ZNF385A: variants seen among roughly 807,000 people sequenced by gnomAD.
ZNF385A encodes the protein hematopoietic zinc finger protein.
Under a neutral mutation model 32.1 loss-of-function variants are expected in ZNF385A, and 14 were observed. The observed-to-expected ratio is 0.44, with a 90% CI of 0.29 to 0.68. The LOEUF (loss-of-function observed/expected upper bound fraction) is 0.68, where lower values mean the gene tolerates loss of function less well. ZNF385A is among the 30% of genes least tolerant of loss of function. ZNF385A has a pLI of 0.14. For synonymous variants in ZNF385A, 197 were observed against 202.7 expected (o/e 0.97, Z 0.24); for missense variants, 406 against 478.4 (o/e 0.85, Z 1.41).
At chr12:54,372,212 G>A (rs1206792255) in intron 3 of ZNF385A, among the ~76,000 whole-genome samples, 1 of 152,206 alleles carries the variant, frequency 6.6e-6, no homozygotes, top group Non-Finnish European at 1.5e-5. Context: ...ACCGGAGAGG[G>A]AAGAAACAGG....
At chr12:54,384,796 C>T, upstream of ZNF385A, 5 of 1,233,004 alleles carry the variant, frequency 4.1e-6, no homozygotes, top group Non-Finnish European at 3.0e-6. Context: ...TTCACTTCCC[C>T]CTTTTCCAGC....
intron 1 of ZNF385A, among the ~76,000 whole-genome samples, chr12:54,378,356 T>C (rs951788525): frequency 6.6e-6 from 1 of 152,136 alleles, no homozygotes; most frequent in Non-Finnish European, 1.5e-5. Context: ...GCTTCTTCCC[T>C]GGGATGCTGG....
chr12:54,387,335 A>G (rs1186128888), upstream of ZNF385A, among the ~76,000 whole-genome samples: 4 of 152,096 alleles, frequency 2.6e-5, no homozygotes, highest in Non-Finnish European at 5.9e-5. Flanking sequence ...CAGTGAGGGA[A>G]GGAAGCAGGC....
Position 54,384,690 on chromosome 12 carries a change from G to A in ZNF385A, c.-176C>T. The A allele has an allele frequency of 7.3e-7, 1 of 1,378,394 alleles. No individual in the cohort carries two copies. Among genetic ancestry groups the A allele is most frequent in the Non-Finnish European group, 9.3e-7 (1 of 1,070,706 alleles). The allele number at this position is 1,378,394 out of a possible 1,614,324, so 85.4% of individuals were successfully genotyped here. On this transcript the variant is annotated 5_prime_UTR_variant, in exon 1 of 7. Transcript: ENST00000394313. Reference sequence around the variant, plus strand: ...AGAAGTGTCACCCTCAGTGCACATAGTGTACACACTTCCCCTGCTGGCTCC... The same window carrying A: ...AGAAGTGTCACCCTCAGTGCACATAATGTACACACTTCCCCTGCTGGCTCC...
At chr12:54,389,102 A>T (rs1306634375), upstream of ZNF385A, among the ~76,000 whole-genome samples, 1 of 152,172 alleles carries the variant, frequency 6.6e-6, no homozygotes, top group Non-Finnish European at 1.5e-5. Context: ...TCAATGTGCC[A>T]CTACCCTTAC....
intron 1 of ZNF385A, among the ~76,000 whole-genome samples, chr12:54,377,131 G>A (rs970836040): frequency 2.6e-5 from 4 of 152,214 alleles, no homozygotes; most frequent in Non-Finnish European, 4.4e-5. Context: ...GTAAGAGTCT[G>A]GAAAGCCCTG....
At chr12:54,385,594 C>G, upstream of ZNF385A, 2 of 977,764 alleles carry the variant, frequency 2.0e-6, no homozygotes, top group Non-Finnish European at 2.4e-6. Flanking sequence ...GTGCTTGGCC[C>G]GTCCTCCCTT....
At chr12:54,373,123 TTC>T (rs974711101) in intron 3 of ZNF385A, 1 of 85,920 alleles carries the variant, frequency 1.2e-5, no homozygotes, top group East Asian at 4.6e-4. Context: ...CCTGAGGGGG[TTC>T]TGTGTGTGTG....
intron 3 of ZNF385A, 123 bp downstream of exon 3, chr12:54,373,850 G>A (rs2137187538): frequency 9.2e-7 from 1 of 1,082,040 alleles, no homozygotes; most frequent in Non-Finnish European, 1.2e-6. Context: ...ACTCACCTTG[G>A]GTGGGGGTGG....
exon 1 of ZNF385A, chr12:54,391,259 C>T (rs1955634332): frequency 2.9e-6 from 4 of 1,373,858 alleles, no homozygotes; most frequent in East Asian, 3.1e-5. Flanking sequence ...GGGACCCAGG[C>T]GCCCGGGGTT....
In ZNF385A at chr12:54,370,422, A is replaced by G. The variant is rs1195674940; in HGVS notation, c.935T>C (p.Leu312Pro). 1 of 1,547,624 alleles carries G rather than the reference A, an allele frequency of 6.5e-7. No homozygotes were observed. The highest frequency in any genetic ancestry group is 8.7e-7 in the Non-Finnish European group (1 of 1,144,834). The change falls in exon 7 of 7, where the codon CTG becomes CCG. Residue 312 changes from leucine (L) to proline (P), a missense_variant. Leu to Pro is a moderately conservative substitution (Grantham distance 98, BLOSUM62 -3). Transcript: ENST00000394313. The surrounding 1 kb of genome is among the most constrained non-coding windows in gnomAD (Gnocchi z 5.5). ...CGCTGCCATCACTGCAGCCACCGCC[A>G]GGGGGCTGGGGAGCAGGCCGCCCGC... ...SLAGGLLPSP[L>P]AVAAVMAAAA...
At chr12:54,389,632 C>T (rs907456575), upstream of ZNF385A, among the ~76,000 whole-genome samples, 5 of 152,188 alleles carry the variant, frequency 3.3e-5, no homozygotes, top group Admixed American at 1.3e-4. Context: ...AGGGAAAGCA[C>T]GGCTTATGCC....
At chr12:54,391,195 A>C (rs548138220) in intron 1 of ZNF385A, 1 of 1,473,742 alleles carries the variant, frequency 6.8e-7, no homozygotes, top group South Asian at 1.3e-5. Context: ...ACAGAGAGGA[A>C]CCCAGGAGCC....
chr12:54,371,979 A>G (rs1322620783), intron 3 of ZNF385A, among the ~76,000 whole-genome samples: 1 of 152,192 alleles, frequency 6.6e-6, no homozygotes, highest in African/African-American at 2.4e-5. Context: ...CTTCAGGGTG[A>G]AGCTGGCAGC....
chr12:54,383,453 C>T lies in ZNF385A; in HGVS notation c.87+975G>A, dbSNP rs1249178. On this transcript the variant is annotated intron_variant, in intron 1 of 6. Transcript: ENST00000394313. ...CTCATACTGCCACTGCCACCAGCCC[C>T]GTCTGGCTTTTGAGGCTTCCCTCGG... Among the ~76,000 whole-genome samples the T allele has an allele frequency of 7.9e-5, 12 of 152,298 alleles. No individual in the cohort carries two copies. The East Asian group carries it at 1.9e-3, about 25-fold the overall frequency.
chr12:54,371,361 G>A, intron 4 of ZNF385A, 112 bp downstream of exon 4: 1 of 1,407,870 alleles, frequency 7.1e-7, no homozygotes, highest in Non-Finnish European at 9.6e-7. Flanking sequence ...CAGGCAGATA[G>A]GCTGATAGGT....
In ZNF385A at chr12:54,391,118, G is replaced by A. The variant is rs181150313; in HGVS notation, c.10+117C>T. 49 of 1,092,162 alleles carry A rather than the reference G, an allele frequency of 4.5e-5. No individual in the cohort carries two copies. In the African/African-American group the frequency reaches 7.0e-4, roughly 16 times the overall value. 67.7% of individuals were successfully genotyped at this position (1,092,162 alleles called of 1,614,324 possible). A position where few individuals can be genotyped will look rare whatever the true frequency, so the allele number is the denominator to read the frequency against. On this transcript the variant is annotated intron_variant, in intron 1 of 7. Coordinates refer to the ZNF385A transcript ENST00000338010. ...GCCAGATGAAGGGGGAGGGGGAACCGGTCGCTGACGGGCGGCCGCAGTCAC... is the reference window on the plus strand; with the variant it reads ...GCCAGATGAAGGGGGAGGGGGAACCAGTCGCTGACGGGCGGCCGCAGTCAC...
At position 54,370,523 on chromosome 12, in the gene ZNF385A, C is replaced by T; in HGVS notation, c.871-37G>A. The T allele has an allele frequency of 1.3e-6, 2 of 1,550,596 alleles. No individual in the cohort carries two copies. Among genetic ancestry groups the T allele is most frequent in the Non-Finnish European group, 1.7e-6 (2 of 1,146,550 alleles). Reference sequence around the variant, plus strand: ...GAAAGGCGGAGGAAGAGAAGTCACCCGGCGGTCCTGCAAACCCCACCTCTC... The same window carrying T: ...GAAAGGCGGAGGAAGAGAAGTCACCTGGCGGTCCTGCAAACCCCACCTCTC... On this transcript the variant is annotated intron_variant, in intron 6 of 6. Coordinates refer to ENST00000394313, the MANE Select transcript of ZNF385A (RefSeq NM_015481.3). The surrounding 1 kb of genome is among the most constrained non-coding windows in gnomAD (Gnocchi z 5.5).
At chr12:54,374,266 T>A in intron 2 of ZNF385A, 131 bp from the exon 3 acceptor site, 2 of 797,290 alleles carry the variant, frequency 2.5e-6, no homozygotes, top group Non-Finnish European at 3.5e-6. Context: ...CAGTGAGATG[T>A]AAAGCCCCAT....
Sources: gnomAD v4.1 joint callset for allele counts (sites outside exome capture counted in the v4.1 genomes callset) on GRCh38, gnomAD v4.1.1 for gene constraint, Gnocchi (gnomAD v3.1) non-coding constraint, MANE v1.5 for transcripts, NCBI Gene and HGNC (gene_info 2026-07-23, HGNC 2026-07-21) for gene names.